CHL1: variants seen among roughly 807,000 people sequenced by gnomAD.
The protein encoded by CHL1 is neural cell adhesion molecule L1-like protein.
Under a neutral mutation model 141.9 loss-of-function variants are expected in CHL1, and 96 were observed. The ratio of observed to expected loss-of-function variants is 0.68; its 90% CI spans 0.57 to 0.80. CHL1 has a LOEUF of 0.80. Among genes scored for constraint, CHL1 ranks in the 30% least tolerant of loss-of-function variants. The pLI, the probability that CHL1 is intolerant of heterozygous loss-of-function variation, is 0.00. For synonymous variants in CHL1, 613 were observed against 502.2 expected (o/e 1.22, Z -2.95); for missense variants, 1,820 against 1,457.2 (o/e 1.25, Z -4.05).
intron 14 of CHL1, 80 bp downstream of exon 14, chr3:363,463 C>T: frequency 7.8e-7 from 1 of 1,280,514 alleles, no homozygotes; most frequent in African/African-American, 1.5e-5. Context: ...GGAATAATAC[C>T]ATTTAAGTTG....
chr3:357,909 G>A (rs1014707169), intron 11 of CHL1, among the ~76,000 whole-genome samples: 5 of 152,216 alleles, frequency 3.3e-5, no homozygotes, highest in African/African-American at 9.6e-5. Flanking sequence ...AGGACCCTGA[G>A]TGGGGTGTGG....
At chr3:313,331 T>C (rs1330067564) in intron 2 of CHL1, among the ~76,000 whole-genome samples, 2 of 152,232 alleles carry the variant, frequency 1.3e-5, no homozygotes, top group Non-Finnish European at 2.9e-5. Flanking sequence ...TAAAATGTGC[T>C]ATGTCAAACC....
At chr3:326,636 T>C (rs960443151) in intron 4 of CHL1, among the ~76,000 whole-genome samples, 1 of 151,870 alleles carries the variant, frequency 6.6e-6, no homozygotes, top group Non-Finnish European at 1.5e-5. Flanking sequence ...ACTGATGAGC[T>C]TTTTCAAAAT....
chr3:261,168 G>C lies in CHL1; in HGVS notation c.-95+16476G>C, dbSNP rs563343589. Among the ~76,000 whole-genome samples, 13 of 152,264 alleles carry C rather than the reference G, an allele frequency of 8.5e-5. No individual in the cohort carries two copies. The East Asian group carries it at 2.5e-3, about 29-fold the overall frequency. ...GAAGAGCCAAGACTGTGTAACCCAA[G>C]TGTAATCAAAGTTACATAAAAATTA... On this transcript the variant is annotated intron_variant, in intron 2 of 27. Coordinates refer to ENST00000256509, the MANE Select transcript of CHL1 (RefSeq NM_006614.4).
chr3:314,451 C>G (rs1470961261), intron 2 of CHL1, among the ~76,000 whole-genome samples: 3 of 149,528 alleles, frequency 2.0e-5, no homozygotes, highest in Non-Finnish European at 3.0e-5. Flanking sequence ...ACCTTGAAAA[C>G]CATCCCAAAA....
chr3:302,848 G>A (rs1698877885), intron 2 of CHL1, among the ~76,000 whole-genome samples: 1 of 152,100 alleles, frequency 6.6e-6, no homozygotes, highest in Admixed American at 6.5e-5. Context: ...TATTGCCCAG[G>A]TTTTCTTCTA....
chr3:390,579 AT>A, intron 20 of CHL1, 121 bp from the exon 21 acceptor site: 1 of 627,934 alleles, frequency 1.6e-6, no homozygotes, highest in Non-Finnish European at 2.8e-6. Context: ...TTTTGGTTCC[AT>A]TTGGAGTGAA....
intron 5 of CHL1, among the ~76,000 whole-genome samples, chr3:337,342 C>T (rs1337771251): frequency 6.8e-6 from 1 of 147,626 alleles, no homozygotes; most frequent in East Asian, 2.0e-4. Context: ...AGGCGCCCGC[C>T]ACCACGCCCG....
chr3:368,346 C>A (rs765765086), intron 15 of CHL1, among the ~76,000 whole-genome samples: 6 of 152,204 alleles, frequency 3.9e-5, no homozygotes, highest in East Asian at 1.9e-4. Flanking sequence ...CTCTGATGAT[C>A]GGTCATGTTG....
At chr3:358,014 G>T (rs1361681594) in intron 11 of CHL1, among the ~76,000 whole-genome samples, 1 of 152,104 alleles carries the variant, frequency 6.6e-6, no homozygotes, top group Non-Finnish European at 1.5e-5. Context: ...TTGCTAATTT[G>T]CAAGAAATAA....
chr3:348,940 G>A (rs1702998481), intron 9 of CHL1, among the ~76,000 whole-genome samples: 1 of 152,214 alleles, frequency 6.6e-6, no homozygotes, highest in African/African-American at 2.4e-5. Flanking sequence ...ACTTTACTGT[G>A]TTTTACACAA....
At chr3:324,343 T>G (rs1700830966) in intron 3 of CHL1, among the ~76,000 whole-genome samples, 4 of 152,072 alleles carry the variant, frequency 2.6e-5, no homozygotes, top group Admixed American at 6.6e-5. Context: ...AGGTCCCTGC[T>G]GCGAAACAGT....
intron 18 of CHL1, 105 bp from the exon 19 acceptor site, chr3:383,711 T>C: frequency 2.9e-6 from 2 of 684,520 alleles, no homozygotes; most frequent in South Asian, 1.8e-5. Context: ...ATAAGTACAA[T>C]CAAACTTACT....
intron 23 of CHL1, among the ~76,000 whole-genome samples, chr3:394,070 G>A (rs1353785670): frequency 6.6e-6 from 1 of 152,050 alleles, no homozygotes; most frequent in South Asian, 2.1e-4. Flanking sequence ...TCATGTCTTT[G>A]CTGGGTTCCA....
intron 11 of CHL1, among the ~76,000 whole-genome samples, chr3:358,425 C>T (rs1703911417): frequency 6.6e-6 from 1 of 152,100 alleles, no homozygotes; most frequent in Non-Finnish European, 1.5e-5. Flanking sequence ...ATTTTCCTAC[C>T]TCAATGTCCT....
At chr3:335,589 G>T (rs116476177) in intron 5 of CHL1, among the ~76,000 whole-genome samples, 1 of 152,310 alleles carries the variant, frequency 6.6e-6, no homozygotes, top group South Asian at 2.1e-4. Context: ...GCCCTGGAAA[G>T]CTCACCAGGC....
At position 358,669 on chromosome 3, in the gene CHL1, A is replaced by G. The variant is rs76630963; in HGVS notation, c.1166-1615A>G. On this transcript the variant is annotated intron_variant, in intron 11 of 27. Transcript: ENST00000256509. ...CAGTGGGGACACACTGCACAACCTC[A>G]CACTCAGGTCCTGCCCTTAGAGAGC... Among the ~76,000 whole-genome samples, 1,011 of 152,110 alleles carry G rather than the reference A, an allele frequency of 6.6e-3. 14 individuals carry two copies. Among genetic ancestry groups the G allele is most frequent in the African/African-American group, 0.023 (964 of 41,484 alleles).
At chr3:353,513 G>A (rs971128793) in intron 10 of CHL1, among the ~76,000 whole-genome samples, 2 of 152,138 alleles carry the variant, frequency 1.3e-5, no homozygotes, top group African/African-American at 4.8e-5. Flanking sequence ...ATTTAACTTG[G>A]AATTTAACAA....
At chr3:395,583 G>GC (rs1708606026) in intron 24 of CHL1, among the ~76,000 whole-genome samples, 1 of 152,366 alleles carries the variant, frequency 6.6e-6, no homozygotes, top group South Asian at 2.1e-4. Flanking sequence ...GAAACAGAGA[G>GC]AGATTTATGT....
Sources: gnomAD v4.1 joint callset for allele counts (sites outside exome capture counted in the v4.1 genomes callset) on GRCh38, gnomAD v4.1.1 for gene constraint, MANE v1.5 for transcripts, NCBI Gene and HGNC (gene_info 2026-07-23, HGNC 2026-07-21) for gene names.